TMC7: variants seen among roughly 807,000 people sequenced by gnomAD.
The protein encoded by TMC7 is transmembrane channel like 7, also known as transmembrane channel-like protein 7.
A neutral mutation model predicts 82.9 loss-of-function variants in TMC7; 54 were observed. The observed-to-expected ratio is 0.65, with a 90% CI of 0.52 to 0.82. The LOEUF (loss-of-function observed/expected upper bound fraction) is 0.82, where lower values mean the gene tolerates loss of function less well. Ranked by LOEUF, TMC7 falls within the 40% of genes least tolerant of loss-of-function variation. TMC7 has a pLI of 0.00. For missense variants in TMC7, 820 were observed against 901.2 expected, an observed-to-expected ratio of 0.91 and a Z score of 1.15; for synonymous variants, 350 against 337.9, an observed-to-expected ratio of 1.04 and a Z score of -0.39.
In TMC7 at chr16:19,035,737, A is replaced by C; in HGVS notation, c.919A>C (p.Asn307His). 6.2e-7 allele frequency: 1 copy of C among 1,613,920 alleles called. No homozygotes were observed. ...RSEEHFQSYCNKIFAGWDFCI... is the reference protein window; with the variant it reads ...RSEEHFQSYCHKIFAGWDFCI... ...TGAGGAGCACTTTCAGAGTTACTGC[A>C]ACAAGATATTTGCCGGCTGGGACTT... The change falls in exon 7 of 16, where the codon AAC becomes CAC. Residue 307 changes from asparagine to histidine, a missense_variant. By Grantham distance (68) the Asn-to-His change is moderately conservative (BLOSUM62 1). Coordinates refer to ENST00000304381, the MANE Select transcript of TMC7 (RefSeq NM_024847.4).
intron 12 of TMC7, among the ~76,000 whole-genome samples, chr16:19,050,239 C>T (rs1023284833): frequency 2.0e-5 from 3 of 151,454 alleles, no homozygotes; most frequent in African/African-American, 4.8e-5. Context: ...GGCTTGGTGG[C>T]GGGTGCCTGT....
intron 1 of TMC7, among the ~76,000 whole-genome samples, chr16:18,993,111 G>T (rs892991081): frequency 2.0e-5 from 3 of 152,170 alleles, no homozygotes; most frequent in African/African-American, 7.2e-5. Flanking sequence ...GAGAGTGAGT[G>T]AGATTGATAG....
intron 1 of TMC7, among the ~76,000 whole-genome samples, chr16:18,993,397 G>A (rs1252714895): frequency 1.3e-5 from 2 of 152,268 alleles, no homozygotes; most frequent in Admixed American, 6.5e-5. Flanking sequence ...AATAGAATGG[G>A]CCTGTGAGGC....
At position 19,040,339 on chromosome 16, in the gene TMC7, G is replaced by T. The variant is rs369239891; in HGVS notation, c.1230G>T (p.Pro410=). ...AGAACCTCTTCATATTGTATCTACC[G>T]TCTATTGTGATCACGCTGGCCAATT... ...FGENLFILYL[P]SIVITLANFI... The change falls in exon 9 of 16, where the codon CCG becomes CCT. Residue 410 remains proline (P), a synonymous_variant. Coordinates refer to ENST00000304381, the MANE Select transcript of TMC7 (RefSeq NM_024847.4). 5 of 1,613,764 alleles carry T rather than the reference G, an allele frequency of 3.1e-6. No individual in the cohort carries two copies. In the African/African-American group the frequency reaches 6.7e-5, roughly 22 times the overall value.
In TMC7 at chr16:19,041,578, G is replaced by C. The variant is rs558993027; in HGVS notation, c.1337+1132G>C. The stretch of plus-strand genomic sequence containing the variant: ...GTAGAGATGGGGTTTCACCATGTTG[G>C]CCAGGCTGGTCTCGAACTCCTGACC... On this transcript the variant is annotated intron_variant, in intron 9 of 15. Coordinates refer to ENST00000304381, the MANE Select transcript of TMC7 (RefSeq NM_024847.4). 9.7e-3 allele frequency among the ~76,000 whole-genome samples: 1,469 copies of C among 151,878 alleles called. 33 individuals are homozygous for C. The highest frequency in any genetic ancestry group is 0.033 in the African/African-American group (1,383 of 41,412).
chr16:18,993,550 C>A (rs1332209192), intron 1 of TMC7, among the ~76,000 whole-genome samples: 1 of 152,156 alleles, frequency 6.6e-6, no homozygotes, highest in East Asian at 1.9e-4. Context: ...AGTTGAAACG[C>A]TAGCTGCTTC....
At chr16:19,059,668 C>G (rs1354783621) in intron 15 of TMC7, 174 bp downstream of exon 15, 1 of 1,540,560 alleles carries the variant, frequency 6.5e-7, no homozygotes, top group Non-Finnish European at 8.7e-7. Context: ...TTCACTGATT[C>G]ATCCATTCCT....
At chr16:19,038,300 A>G (rs1441034567) in intron 8 of TMC7, among the ~76,000 whole-genome samples, 1 of 151,996 alleles carries the variant, frequency 6.6e-6, no homozygotes, top group Non-Finnish European at 1.5e-5. Flanking sequence ...GGTTCAAATG[A>G]TTCTCCTGCC....
At chr16:19,014,971 T>C (rs565305265) in intron 2 of TMC7, among the ~76,000 whole-genome samples, 64 of 152,190 alleles carry the variant, frequency 4.2e-4, no homozygotes, top group African/African-American at 1.4e-3. Flanking sequence ...ATTGTTTTTT[T>C]GTTTTTTTTT....
chr16:18,990,700 G>T (rs1256432251), intron 1 of TMC7, among the ~76,000 whole-genome samples: 2 of 152,150 alleles, frequency 1.3e-5, no homozygotes, highest in Non-Finnish European at 2.9e-5. Flanking sequence ...CAATGTTTTC[G>T]GGGCAGGAGG....
chr16:19,047,684 C>T (rs1435855781), intron 12 of TMC7, among the ~76,000 whole-genome samples: 30 of 141,328 alleles, frequency 2.1e-4, no homozygotes, highest in Middle Eastern at 4.5e-3. Flanking sequence ...CGTGAGCCAC[C>T]GTGCCCGGCC....
chr16:19,050,366 C>CAAAAAAAAAAAAAAAA (rs71143824), intron 12 of TMC7, among the ~76,000 whole-genome samples: 2 of 83,048 alleles, frequency 2.4e-5, no homozygotes, highest in African/African-American at 5.1e-5. Context: ...GATTCCGTCT[C>CAAAAAAAAAAAAAAAA]AAAAAAAAAA....
intron 8 of TMC7, 92 bp from the exon 9 acceptor site, chr16:19,040,197 C>A: frequency 9.0e-7 from 1 of 1,109,968 alleles, no homozygotes; most frequent in Non-Finnish European, 1.3e-6. Context: ...TTTGTTTGCC[C>A]AACACACATA....
chr16:19,013,019 G>A (rs1013407903), intron 2 of TMC7, among the ~76,000 whole-genome samples: 11 of 150,644 alleles, frequency 7.3e-5, no homozygotes, highest in East Asian at 2.0e-4. Flanking sequence ...GTTTCACCAC[G>A]TTGGTCAGGC....
At chr16:19,019,480 T>G (rs1029372887) in intron 3 of TMC7, among the ~76,000 whole-genome samples, 2 of 152,216 alleles carry the variant, frequency 1.3e-5, no homozygotes, top group Non-Finnish European at 2.9e-5. Flanking sequence ...TTACTGAACA[T>G]TTACTATAAA....
At chr16:19,012,100 A>C (rs1050670890) in intron 2 of TMC7, 1 of 148,290 alleles carries the variant, frequency 6.7e-6, no homozygotes, top group East Asian at 2.0e-4. Flanking sequence ...ACTGCACTTC[A>C]GTCTGGGTGA....
chr16:19,018,323 C>T (rs991149925), intron 3 of TMC7, among the ~76,000 whole-genome samples: 12 of 152,116 alleles, frequency 7.9e-5, no homozygotes, highest in African/African-American at 1.7e-4. Context: ...AACAAAATAC[C>T]GCAGACTGGA....
At chr16:19,058,055 C>G (rs1265684150) in intron 14 of TMC7, among the ~76,000 whole-genome samples, 2 of 152,036 alleles carry the variant, frequency 1.3e-5, no homozygotes, top group Non-Finnish European at 2.9e-5. Flanking sequence ...CACCAGGCAC[C>G]AGGCACCTTC....
intron 1 of TMC7, among the ~76,000 whole-genome samples, chr16:19,007,781 CT>C (rs796593328): frequency 0.046 from 6,617 of 143,402 alleles, 351 homozygotes; most frequent in African/African-American, 0.13. Flanking sequence ...CCACTCTGTT[CT>C]TTTTTTTTTT....
Sources: gnomAD v4.1 joint callset for allele counts (sites outside exome capture counted in the v4.1 genomes callset) on GRCh38, gnomAD v4.1.1 for gene constraint, MANE v1.5 for transcripts, NCBI Gene and HGNC (gene_info 2026-07-23, HGNC 2026-07-21) for gene names.